Variants in OTUD5 observed in about 807,000 individuals in gnomAD.
The protein encoded by OTUD5 is OTU domain-containing protein 5.
Under a neutral mutation model 36.3 loss-of-function variants are expected in OTUD5, and 2 were observed. The observed-to-expected ratio is 0.06, with a 90% confidence interval of 0.02 to 0.17. The LOEUF (loss-of-function observed/expected upper bound fraction) is 0.17, where lower values mean the gene tolerates loss of function less well. Ranked by LOEUF, OTUD5 falls within the 10% of genes least tolerant of loss-of-function variation. OTUD5 has a pLI of 1.00. For synonymous variants in OTUD5, 234 were observed against 214.9 expected (o/e 1.09, Z -0.78); for missense variants, 233 against 512.3 (o/e 0.45, Z 5.26).
At chrX:48,937,078 G>A (rs1344752629) in intron 2 of OTUD5, among the ~76,000 whole-genome samples, 1 of 111,846 alleles carries the variant, frequency 8.9e-6, no homozygotes, top group African/African-American at 3.3e-5. Flanking sequence ...GAGACCTGAA[G>A]GGTAAGGGGG....
rs782654400 is a variant in OTUD5 at position 48,936,651 on chromosome X, A to G, written c.689-1633T>C. 2.7e-5 allele frequency among the ~76,000 whole-genome samples: 3 copies of G among 111,955 alleles called. No homozygotes were observed. The East Asian group carries it at 8.4e-4, about 31-fold the overall frequency. The stretch of plus-strand genomic sequence containing the variant: ...GCCCGACCACACTGGGCTCCCACAG[A>G]AGGCAAAGGGCAGTTCACACCAAAG... On this transcript the variant is annotated intron_variant, in intron 2 of 8. Transcript: ENST00000376488.
rs1269742660 is a variant in OTUD5 at position 48,922,945 on chromosome X, G to A, written c.*229C>T. On this transcript the variant is annotated 3_prime_UTR_variant, in exon 9 of 9. Coordinates refer to ENST00000376488, the MANE Select transcript of OTUD5 (RefSeq NM_001136157.2). ...GCAGGGATGGTTCTGTGCGGGATGG[G>A]GTGGGGGGCAACAGGGCACATCAGC... 3.8e-6 allele frequency: 4 copies of A among 1,045,883 alleles called. No homozygotes were observed. Among genetic ancestry groups the A allele is most frequent in the Non-Finnish European group, 4.9e-6 (4 of 815,377 alleles). The allele number at this position is 1,045,883 out of a possible 1,213,427, so 86.2% of individuals were successfully genotyped here. A position where few individuals can be genotyped will look rare whatever the true frequency, so the allele number is the denominator to read the frequency against.
At chrX:48,936,586 C>T (rs1383184070) in intron 2 of OTUD5, among the ~76,000 whole-genome samples, 2 of 111,067 alleles carry the variant, frequency 1.8e-5, no homozygotes, top group Non-Finnish European at 3.8e-5. Context: ...ACCCAGGACA[C>T]CTCTATCACC....
chrX:48,957,489 G>A lies in OTUD5; in HGVS notation c.82C>T (p.Pro28Ser), dbSNP rs2064271557. 4.7e-6 allele frequency: 4 copies of A among 842,198 alleles called. No individual in the cohort carries two copies. The highest frequency in any genetic ancestry group is 5.8e-6 in the Non-Finnish European group (4 of 689,319). The allele number at this position is 842,198 out of a possible 1,213,427, so 69.4% of individuals were successfully genotyped here. ...ACACCTCCGCCGCGCCGCGGCGCCG[G>A]GGGCATCGGCCCGGGCGGCGGCGGC... is the stretch of plus-strand genomic sequence containing the variant. ...NEPPPPGPMP[P>S]APRRGGGVGV... The change falls in exon 1 of 9, where the codon CCG becomes TCG. Residue 28 changes from proline to serine, a missense_variant. This residue lies in a region of OTUD5 where 155 missense variants were observed against 217.2 expected (regional missense o/e 0.71). Transcript: ENST00000376488.
chrX:48,928,826 CA>C (rs782401982), intron 5 of OTUD5, among the ~76,000 whole-genome samples: 25 of 63,532 alleles, frequency 3.9e-4, no homozygotes, highest in African/African-American at 1.3e-3. Context: ...TACACTGTCT[CA>C]AAAAAAAAAA....
intron 5 of OTUD5, among the ~76,000 whole-genome samples, chrX:48,933,454 C>T (rs1435914901): frequency 2.9e-5 from 3 of 104,470 alleles, no homozygotes; most frequent in Non-Finnish European, 5.8e-5. Context: ...CTCATTCTGT[C>T]GCCCAAGCTG....
rs782624582 is a variant in OTUD5, at chrX:48,934,161, C to T, written c.1059+303G>A. ...TATGATCCCAGGAGAAAGATCCATG[C>T]CAAGATGCCCAGAGCAAGCCCTGGC... On this transcript the variant is annotated intron_variant, in intron 5 of 8. Transcript: ENST00000376488. 3.2e-4 allele frequency among the ~76,000 whole-genome samples: 36 copies of T among 111,376 alleles called. No homozygotes were observed. In the South Asian group the frequency reaches 0.012, roughly 37 times the overall value.
chrX:48,952,273 A>G (rs1169980126), intron 1 of OTUD5, among the ~76,000 whole-genome samples: 1 of 112,003 alleles, frequency 8.9e-6, no homozygotes, highest in Non-Finnish European at 1.9e-5. Context: ...TCAAGCCAGA[A>G]AGTAGATTAG....
At chrX:48,944,330 C>T (rs1557051872) in intron 1 of OTUD5, 47 bp from the exon 2 acceptor site, 2 of 867,162 alleles carry the variant, frequency 2.3e-6, no homozygotes, top group African/African-American at 2.0e-5. Context: ...CCTGTACTCC[C>T]TCCCCAGGGC....
chrX:48,955,412 G>A (rs1296654574), intron 1 of OTUD5, among the ~76,000 whole-genome samples: 1 of 111,395 alleles, frequency 9.0e-6, no homozygotes, highest in Non-Finnish European at 1.9e-5. Context: ...GAGTCTCAGG[G>A]CTCAGGTCTG....
intron 2 of OTUD5, 137 bp downstream of exon 2, chrX:48,944,053 C>G (rs782059899): frequency 4.5e-6 from 2 of 439,717 alleles, no homozygotes; most frequent in Admixed American, 7.7e-5. Flanking sequence ...AGGTCAGATA[C>G]CAACTTGAGG....
rs1309560472 is a variant in OTUD5 at position 48,925,805 on chromosome X, A to C, written c.1263+42T>G. Reference sequence around the variant, plus strand: ...CGCTTGAGGGCAAAGCATGAGAAGTAATGAGTTTTTGGCCAAGCCTGTGAC... The same window carrying C: ...CGCTTGAGGGCAAAGCATGAGAAGTCATGAGTTTTTGGCCAAGCCTGTGAC... On this transcript the variant is annotated intron_variant, in intron 6 of 8. Transcript: ENST00000376488. 3.7e-6 allele frequency: 4 copies of C among 1,081,995 alleles called. No individual in the cohort carries two copies. In the African/African-American group the frequency reaches 7.3e-5, roughly 20 times the overall value. The allele number at this position is 1,081,995 out of a possible 1,213,427, so 89.2% of individuals were successfully genotyped here. A position where few individuals can be genotyped will look rare whatever the true frequency, so the allele number is the denominator to read the frequency against.
intron 5 of OTUD5, among the ~76,000 whole-genome samples, chrX:48,931,551 G>C (rs1447630059): frequency 1.8e-5 from 2 of 111,270 alleles, no homozygotes; most frequent in Non-Finnish European, 3.8e-5. Flanking sequence ...GGCCGAGGCG[G>C]GTGGATCACC....
chrX:48,952,523 G>C (rs1283799468), intron 1 of OTUD5, among the ~76,000 whole-genome samples: 6 of 112,401 alleles, frequency 5.3e-5, no homozygotes, highest in Non-Finnish European at 1.1e-4. Flanking sequence ...CTCAGCACCA[G>C]CCAAGGACGC....
intron 2 of OTUD5, among the ~76,000 whole-genome samples, chrX:48,938,459 G>A (rs1012891927): frequency 9.0e-6 from 1 of 111,305 alleles, no homozygotes; most frequent in Non-Finnish European, 1.9e-5. Context: ...TTGGGAGGCC[G>A]ACGCAGGTGG....
chrX:48,957,966 G>A, upstream of OTUD5: 2 of 298,170 alleles, frequency 6.7e-6, no homozygotes, highest in Non-Finnish European at 9.0e-6. Flanking sequence ...GCCCCGGGGC[G>A]CTGCGCACGC....
chrX:48,927,778 T>A (rs1331824143), intron 5 of OTUD5, among the ~76,000 whole-genome samples: 2 of 111,293 alleles, frequency 1.8e-5, no homozygotes, highest in African/African-American at 6.6e-5. Context: ...ATCTTCAGCC[T>A]CTCTCCCCTC....
At chrX:48,929,653 A>G (rs2063721477) in intron 5 of OTUD5, among the ~76,000 whole-genome samples, 1 of 107,617 alleles carries the variant, frequency 9.3e-6, no homozygotes, top group Admixed American at 9.9e-5. Flanking sequence ...CCCAGGAGGT[A>G]GAGGCTGCGG....
At chrX:48,928,248 C>T (rs782577532) in intron 5 of OTUD5, among the ~76,000 whole-genome samples, 6 of 111,938 alleles carry the variant, frequency 5.4e-5, no homozygotes, top group South Asian at 3.7e-4. Flanking sequence ...CAACGCAATC[C>T]AGCAATCTTG....
Sources: allele counts gnomAD v4.1 joint callset (sites outside exome capture counted in the v4.1 genomes callset), GRCh38; gene constraint gnomAD v4.1.1; regional missense constraint gnomAD v4.1.1; transcripts MANE v1.5; gene names NCBI Gene and HGNC (gene_info 2026-07-23, HGNC 2026-07-21).